LAMA2: variants seen among roughly 807,000 people sequenced by gnomAD.
LAMA2 encodes the protein laminin subunit alpha-2.
In LAMA2, 269 loss-of-function variants were observed where a neutral mutation model predicts 364.8. That is an observed-to-expected ratio of 0.74 (90% CI 0.67 to 0.82). The LOEUF (loss-of-function observed/expected upper bound fraction) is 0.82. Among genes scored for constraint, LAMA2 ranks in the 40% least tolerant of loss-of-function variants. The pLI is 0.00. For synonymous variants in LAMA2, 1,379 were observed against 1,370.6 expected (o/e 1.01, Z -0.14); for missense variants, 3,807 against 3,873.2 (o/e 0.98, Z 0.45).
intron 4 of LAMA2, among the ~76,000 whole-genome samples, chr6:129,136,895 T>C (rs1407189707): frequency 7.2e-5 from 11 of 152,064 alleles, no homozygotes; most frequent in Non-Finnish European, 1.3e-4. Flanking sequence ...GTGTTCCTTT[T>C]ATGCGTTATG....
intron 1 of LAMA2, among the ~76,000 whole-genome samples, chr6:128,989,595 T>C (rs1177934705): frequency 6.6e-6 from 1 of 152,210 alleles, no homozygotes; most frequent in Non-Finnish European, 1.5e-5. Context: ...AGATAAAGCA[T>C]ACAAAGGGCT....
chr6:129,367,394 C>T (rs1372239882), intron 33 of LAMA2, among the ~76,000 whole-genome samples: 13 of 152,136 alleles, frequency 8.5e-5, no homozygotes, highest in African/African-American at 2.7e-4. Context: ...AATCATTAAA[C>T]AATAATCAAG....
intron 23 of LAMA2, among the ~76,000 whole-genome samples, chr6:129,313,975 C>G (rs562032571): frequency 5.9e-5 from 9 of 152,204 alleles, no homozygotes; most frequent in Non-Finnish European, 1.3e-4. Context: ...TTTTAACCTG[C>G]TGCCTATTTC....
intron 1 of LAMA2, among the ~76,000 whole-genome samples, chr6:128,944,649 AAAAG>A (rs1317466766): frequency 4.0e-5 from 6 of 151,896 alleles, no homozygotes; most frequent in African/African-American, 9.7e-5. Flanking sequence ...AAAAAAAAAA[AAAAG>A]AAGAAAGAAA....
intron 12 of LAMA2, among the ~76,000 whole-genome samples, chr6:129,238,211 C>T (rs1785134163): frequency 6.6e-6 from 1 of 150,630 alleles, no homozygotes; most frequent in African/African-American, 2.4e-5. Context: ...ATATTTTTTT[C>T]CACACAAGCA....
intron 24 of LAMA2, among the ~76,000 whole-genome samples, chr6:129,315,030 GA>G (rs1329234100): frequency 6.6e-6 from 1 of 152,156 alleles, no homozygotes; most frequent in Non-Finnish European, 1.5e-5. Context: ...GATGCCAAGT[GA>G]AAAAGAGGAA....
At chr6:128,896,307 A>G (rs1213915379) in intron 1 of LAMA2, among the ~76,000 whole-genome samples, 1 of 151,612 alleles carries the variant, frequency 6.6e-6, no homozygotes, top group African/African-American at 2.4e-5. Context: ...GACTTTTTAT[A>G]TATTTCTTTG....
At chr6:129,357,530 A>G (rs1329704205) in intron 32 of LAMA2, among the ~76,000 whole-genome samples, 1 of 152,048 alleles carries the variant, frequency 6.6e-6, no homozygotes, top group African/African-American at 2.4e-5. Context: ...AAAATAAAAC[A>G]TACACTTTGC....
At chr6:128,906,907 G>T (rs983614710) in intron 1 of LAMA2, among the ~76,000 whole-genome samples, 1 of 151,474 alleles carries the variant, frequency 6.6e-6, no homozygotes, top group Non-Finnish European at 1.5e-5. Context: ...TTTCCCCATT[G>T]CTTGTTTTTC....
intron 9 of LAMA2, among the ~76,000 whole-genome samples, chr6:129,173,005 G>C (rs1243436953): frequency 6.6e-6 from 1 of 152,228 alleles, no homozygotes; most frequent in East Asian, 1.9e-4. Flanking sequence ...CTTCCCAAGT[G>C]AGGCAATGCC....
intron 3 of LAMA2, among the ~76,000 whole-genome samples, chr6:129,075,490 T>C (rs1410344247): frequency 6.6e-6 from 1 of 152,164 alleles, no homozygotes; most frequent in Non-Finnish European, 1.5e-5. Context: ...AAATGGAGAA[T>C]GATTATAGTG....
chr6:128,889,733 C>A (rs1776342569), intron 1 of LAMA2, among the ~76,000 whole-genome samples: 2 of 152,108 alleles, frequency 1.3e-5, no homozygotes, highest in African/African-American at 4.8e-5. Context: ...TAATTACTAT[C>A]TAAAGATAGT....
intron 1 of LAMA2, among the ~76,000 whole-genome samples, chr6:128,883,752 C>A (rs1775964504): frequency 6.6e-6 from 1 of 150,468 alleles, no homozygotes; most frequent in Admixed American, 6.7e-5. Context: ...CATCCTGGGA[C>A]TTTATGGAGG....
chr6:129,426,509 G>T (rs530261080), intron 40 of LAMA2, among the ~76,000 whole-genome samples: 1 of 151,096 alleles, frequency 6.6e-6, no homozygotes, highest in Admixed American at 6.6e-5. Context: ...TGATGTTACT[G>T]TATCTAATTC....
intron 29 of LAMA2, among the ~76,000 whole-genome samples, chr6:129,337,948 A>C (rs1233954863): frequency 6.6e-6 from 1 of 152,138 alleles, no homozygotes; most frequent in Non-Finnish European, 1.5e-5. Context: ...AAAAGTTTCA[A>C]AAAGAGGCTC....
At chr6:129,256,795 T>TATATATATATAGTG (rs1554257761) in intron 14 of LAMA2, among the ~76,000 whole-genome samples, 1 of 136,130 alleles carries the variant, frequency 7.3e-6, no homozygotes. Context: ...TATATATATA[T>TATATATATATAGTG]ATATAGTGGG....
chr6:129,239,104 A>C (rs1785218703), intron 12 of LAMA2, among the ~76,000 whole-genome samples: 1 of 152,230 alleles, frequency 6.6e-6, no homozygotes, highest in African/African-American at 2.4e-5. Flanking sequence ...TTACATTTAC[A>C]AAATGTCAAA....
chr6:128,904,386 C>G (rs1180128916), intron 1 of LAMA2, among the ~76,000 whole-genome samples: 1 of 150,972 alleles, frequency 6.6e-6, no homozygotes, highest in African/African-American at 2.4e-5. Context: ...TCCTTTGTCT[C>G]TATCTCCCTA....
At chr6:129,412,645 T>C (rs1780592909) in intron 40 of LAMA2, among the ~76,000 whole-genome samples, 1 of 152,230 alleles carries the variant, frequency 6.6e-6, no homozygotes, top group African/African-American at 2.4e-5. Flanking sequence ...TATCACCAGC[T>C]GCCTCAAGAA....
Sources: allele counts gnomAD v4.1 joint callset (sites outside exome capture counted in the v4.1 genomes callset), GRCh38; gene constraint gnomAD v4.1.1; transcripts MANE v1.5; gene names NCBI Gene and HGNC (gene_info 2026-07-23, HGNC 2026-07-21).